The following SHISAL2A variants were observed in gnomAD, a reference collection of about 807,000 sequenced individuals.
SHISAL2A encodes the protein protein shisa-like-2A.
SHISAL2A carries 18 observed loss-of-function variants against 11.5 expected under a neutral mutation model. The ratio of observed to expected loss-of-function variants is 1.57; its 90% CI spans 1.08 to 2.33. The LOEUF (loss-of-function observed/expected upper bound fraction) is 2.33. SHISAL2A is among the 30% of genes most tolerant of loss of function. The probability of loss-of-function intolerance (pLI) is 0.00; values close to 1 mark genes in which losing one functional copy is unlikely to be tolerated. For synonymous variants in SHISAL2A, 94 were observed against 99.6 expected, an observed-to-expected ratio of 0.94 and a Z score of 0.34; for missense variants, 261 against 250.9, an observed-to-expected ratio of 1.04 and a Z score of -0.27.
downstream of SHISAL2A, among the ~76,000 whole-genome samples, chr1:52,661,748 A>G (rs965283272): frequency 6.6e-6 from 1 of 152,056 alleles, no homozygotes; most frequent in African/African-American, 2.4e-5. Context: ...AGAATAGAAT[A>G]CGGCCGGGCA....
Position 52,633,749 on chromosome 1 carries a change from A to G in SHISAL2A, c.182+74A>G, listed in dbSNP as rs1691183080. ...CGCCTTCACCCCAGCCTCAGCCCCC[A>G]CCCGAGTGTCCACCTGAACATCAGC... is the stretch of plus-strand genomic sequence containing the variant. On this transcript the variant is annotated intron_variant, in intron 1 of 2. Coordinates refer to ENST00000517870, the MANE Select transcript of SHISAL2A (RefSeq NM_001042693.3). The surrounding 1 kb of genome is among the most constrained non-coding windows in gnomAD (Gnocchi z 6.4). 7.9e-7 allele frequency: 1 copy of G among 1,269,430 alleles called. No homozygotes were observed. Among genetic ancestry groups the G allele is most frequent in the Admixed American group, 2.1e-5 (1 of 47,848 alleles). 78.6% of individuals were successfully genotyped at this position (1,269,430 alleles called of 1,614,324 possible). A position where few individuals can be genotyped will look rare whatever the true frequency, so the allele number is the denominator to read the frequency against.
chr1:52,656,426 CTA>C (rs79364716), intron 2 of SHISAL2A, among the ~76,000 whole-genome samples: 23,956 of 152,050 alleles, frequency 0.16, 2,496 homozygotes, highest in East Asian at 0.49. Context: ...CGAGAACAAT[CTA>C]TGTTTTAAAA....
chr1:52,642,831 C>G (rs1691397190), intron 1 of SHISAL2A, 32 bp from the exon 2 acceptor site: 3 of 1,610,344 alleles, frequency 1.9e-6, no homozygotes, highest in Admixed American at 1.7e-5. Flanking sequence ...CCCTTCCTGA[C>G]TCTCAGCTCC....
chr1:52,650,680 T>C (rs1014547520), intron 2 of SHISAL2A, among the ~76,000 whole-genome samples: 1 of 139,120 alleles, frequency 7.2e-6, no homozygotes, highest in East Asian at 2.3e-4. Context: ...AATCTCCCTC[T>C]GTTACCCAGG....
At chr1:52,647,378 G>C (rs1691524042) in intron 2 of SHISAL2A, among the ~76,000 whole-genome samples, 1 of 152,066 alleles carries the variant, frequency 6.6e-6, no homozygotes, top group African/African-American at 2.4e-5. Context: ...TGACTTTGTA[G>C]AATATAACTA....
intron 1 of SHISAL2A, among the ~76,000 whole-genome samples, chr1:52,640,501 C>A (rs192780228): frequency 6.6e-6 from 1 of 152,008 alleles, no homozygotes; most frequent in African/African-American, 2.4e-5. Context: ...CGGTAGCTCA[C>A]GCCTGTAATC....
At chr1:52,668,904 C>A (rs1037099186) in exon 6 of SHISAL2A, 1 of 152,326 alleles carries the variant, frequency 6.6e-6, no homozygotes, top group African/African-American at 2.4e-5. Flanking sequence ...AGACAGGCCT[C>A]TGGCCAAGAG....
intron 2 of SHISAL2A, among the ~76,000 whole-genome samples, chr1:52,651,545 T>C (rs1691648195): frequency 6.6e-6 from 1 of 151,856 alleles, no homozygotes; most frequent in African/African-American, 2.4e-5. Flanking sequence ...CCCAACAATT[T>C]TTGTTTTCTT....
At chr1:52,643,056 A>T (rs1224783151) in intron 2 of SHISAL2A, 54 bp downstream of exon 2, 5 of 1,559,298 alleles carry the variant, frequency 3.2e-6, no homozygotes, top group Non-Finnish European at 4.4e-6. Flanking sequence ...CACCTTTTCA[A>T]GGGGGGAGAA....
At chr1:52,634,267 G>A (rs992409518) in intron 1 of SHISAL2A, among the ~76,000 whole-genome samples, 13 of 151,832 alleles carry the variant, frequency 8.6e-5, no homozygotes, top group African/African-American at 2.7e-4. Context: ...CTTAACCCTC[G>A]CCTGGTGCTA....
At chr1:52,640,430 C>CA (rs766063450) in intron 1 of SHISAL2A, among the ~76,000 whole-genome samples, 2 of 152,090 alleles carry the variant, frequency 1.3e-5, no homozygotes, top group Non-Finnish European at 2.9e-5. Flanking sequence ...AACTGCCTAC[C>CA]ACATGCCAGG....
chr1:52,668,306 C>A (rs549557563), intron 5 of SHISAL2A, among the ~76,000 whole-genome samples: 47 of 152,314 alleles, frequency 3.1e-4, no homozygotes, highest in African/African-American at 1.1e-3. Flanking sequence ...GCACCTTGAT[C>A]TGAGGCCCAC....
intron 1 of SHISAL2A, among the ~76,000 whole-genome samples, chr1:52,640,443 C>G (rs929605559): frequency 1.3e-5 from 2 of 152,080 alleles, no homozygotes; most frequent in Non-Finnish European, 2.9e-5. Context: ...ATGCCAGGGC[C>G]TAGACAATGG....
At chr1:52,641,631 A>AG (rs1239717166) in intron 1 of SHISAL2A, among the ~76,000 whole-genome samples, 1 of 152,168 alleles carries the variant, frequency 6.6e-6, no homozygotes, top group Non-Finnish European at 1.5e-5. Flanking sequence ...AGAACCATGG[A>AG]GGTTGGGTCA....
At chr1:52,660,059 G>C (rs985972748), downstream of SHISAL2A, among the ~76,000 whole-genome samples, 2 of 152,172 alleles carry the variant, frequency 1.3e-5, no homozygotes, top group African/African-American at 4.8e-5. Context: ...AGTAGGTCAG[G>C]AGTAAGTCCC....
chr1:52,638,606 T>C (rs1691290217), intron 1 of SHISAL2A, among the ~76,000 whole-genome samples: 2 of 152,118 alleles, frequency 1.3e-5, no homozygotes, highest in African/African-American at 4.8e-5. Flanking sequence ...CAAAAATCAC[T>C]GGTAGAGGAT....
downstream of SHISAL2A, among the ~76,000 whole-genome samples, chr1:52,660,751 A>G (rs1158434385): frequency 3.3e-5 from 5 of 152,172 alleles, no homozygotes; most frequent in Non-Finnish European, 7.3e-5. Context: ...CTATCCTGCT[A>G]GGTGTTTTTT....
In SHISAL2A at chr1:52,667,355, G is replaced by A. The variant is rs150751066; in HGVS notation, n.696-44G>A. On this transcript the variant is annotated intron_variant and non_coding_transcript_variant, in intron 4 of 5. Coordinates refer to the SHISAL2A transcript ENST00000401050. ...GCTGGGAATGTTTGCTCCGCCATGG[G>A]GAAGTCTTTCAAAGATTTGTTCACA... The A allele has an allele frequency of 3.2e-4, 314 of 974,074 alleles. 3 individuals are homozygous for A. In the African/African-American group the frequency reaches 4.6e-3, roughly 14 times the overall value. 60.3% of individuals were successfully genotyped at this position (974,074 alleles called of 1,614,324 possible).
chr1:52,657,232 A>C (rs1358651917), downstream of SHISAL2A, among the ~76,000 whole-genome samples: 1 of 152,148 alleles, frequency 6.6e-6, no homozygotes. Context: ...CATGACTCCT[A>C]GGAAAAATGG....
Sources: allele counts gnomAD v4.1 joint callset (sites outside exome capture counted in the v4.1 genomes callset), GRCh38; gene constraint gnomAD v4.1.1; non-coding constraint Gnocchi (gnomAD v3.1); transcripts MANE v1.5; gene names NCBI Gene and HGNC (gene_info 2026-07-23, HGNC 2026-07-21).